RBMS3: variants seen among roughly 807,000 people sequenced by gnomAD.
RBMS3 encodes RNA-binding motif, single-stranded-interacting protein 3.
Under a neutral mutation model 66.8 loss-of-function variants are expected in RBMS3, and 27 were observed. The ratio of observed to expected loss-of-function variants is 0.40; its 90% CI spans 0.30 to 0.56. The LOEUF is 0.56. RBMS3 is among the 20% of genes least tolerant of loss of function. The probability of loss-of-function intolerance (pLI) is 0.40; values close to 1 mark genes in which losing one functional copy is unlikely to be tolerated. For synonymous variants in RBMS3, 188 were observed against 183.0 expected (o/e 1.03, Z -0.22); for missense variants, 513 against 549.5 (o/e 0.93, Z 0.66).
At chr3:29,873,572 C>T (rs1363113710) in intron 7 of RBMS3, among the ~76,000 whole-genome samples, 1 of 152,036 alleles carries the variant, frequency 6.6e-6, no homozygotes, top group Non-Finnish European at 1.5e-5. Flanking sequence ...TTTGGATGCC[C>T]TTTATTTCTT....
At chr3:29,648,285 T>TTTTTC (rs2050017441) in intron 4 of RBMS3, among the ~76,000 whole-genome samples, 1 of 145,100 alleles carries the variant, frequency 6.9e-6, no homozygotes, top group African/African-American at 2.6e-5. Flanking sequence ...TTTTTTTTTT[T>TTTTTC]GCGACAGGGT....
At chr3:29,717,430 T>C (rs1031941208) in intron 4 of RBMS3, among the ~76,000 whole-genome samples, 1 of 152,152 alleles carries the variant, frequency 6.6e-6, no homozygotes, top group African/African-American at 2.4e-5. Context: ...GAGCACATTC[T>C]CCTTTCTCTT....
At chr3:29,922,708 T>C (rs1046249608) in intron 10 of RBMS3, among the ~76,000 whole-genome samples, 4 of 152,118 alleles carry the variant, frequency 2.6e-5, no homozygotes, top group Non-Finnish European at 4.4e-5. Context: ...ACTAAAAGTA[T>C]TGCTTTATCA....
intron 12 of RBMS3, among the ~76,000 whole-genome samples, chr3:29,978,762 T>C (rs1168993002): frequency 6.6e-6 from 1 of 152,072 alleles, no homozygotes; most frequent in Non-Finnish European, 1.5e-5. Flanking sequence ...TACATAAAAA[T>C]GATCAGAAGG....
intron 1 of RBMS3, among the ~76,000 whole-genome samples, chr3:29,398,792 G>A (rs974714103): frequency 1.6e-4 from 24 of 151,570 alleles, no homozygotes; most frequent in Admixed American, 1.5e-3. Context: ...CTAAAAGTGC[G>A]AACCTCAACC....
chr3:29,438,030 C>T (rs10576795), intron 2 of RBMS3, among the ~76,000 whole-genome samples: 1,390 of 77,068 alleles, frequency 0.018, 18 homozygotes, highest in African/African-American at 0.049. Context: ...TTGCTTGTTT[C>T]TCTCTCTCTC....
chr3:29,588,758 C>T (rs376594473), intron 4 of RBMS3, among the ~76,000 whole-genome samples: 11 of 152,092 alleles, frequency 7.2e-5, no homozygotes, highest in African/African-American at 2.6e-4. Context: ...AAATTATATA[C>T]ATGTCTTGGT....
intron 4 of RBMS3, among the ~76,000 whole-genome samples, chr3:29,686,807 A>C (rs1479624499): frequency 6.6e-6 from 1 of 152,200 alleles, no homozygotes; most frequent in Non-Finnish European, 1.5e-5. Flanking sequence ...CTCTAAAATA[A>C]TAGGATATAA....
chr3:29,317,827 C>T (rs1442215308), intron 1 of RBMS3, among the ~76,000 whole-genome samples: 1 of 151,754 alleles, frequency 6.6e-6, no homozygotes, highest in African/African-American at 2.4e-5. Flanking sequence ...AGACTACACT[C>T]GTTTCACCCA....
intron 1 of RBMS3, among the ~76,000 whole-genome samples, chr3:29,373,732 C>G (rs951590170): frequency 3.3e-5 from 5 of 152,142 alleles, no homozygotes; most frequent in African/African-American, 1.2e-4. Context: ...TTTTGATATT[C>G]TTCTAGCTGG....
Position 29,670,745 on chromosome 3 carries a change from C to T in RBMS3, c.400-68975C>T, listed in dbSNP as rs559623453. Among the ~76,000 whole-genome samples the T allele has an allele frequency of 2.5e-3, 385 of 152,270 alleles. 1 individual carries two copies. The highest frequency in any genetic ancestry group is 8.3e-3 in the African/African-American group (344 of 41,560). ...CTGAGGCTTGAGTAGGTAAACAAAG[C>T]GGCTGGGAAGCTCCAACTGGGTGGA... On this transcript the variant is annotated intron_variant, in intron 4 of 14. Transcript: ENST00000383767.
rs755676861 is a variant in RBMS3, at chr3:29,911,824, T to C, written c.939+12069T>C. On this transcript the variant is annotated intron_variant, in intron 10 of 14. Coordinates refer to ENST00000383767, the MANE Select transcript of RBMS3 (RefSeq NM_001003793.3). ...TTTTTTCTATGTGATGAAATTACTT[T>C]GGGAGGCCTTTTCCATTGATGCCAT... Among the ~76,000 whole-genome samples the C allele has an allele frequency of 3.9e-5, 6 of 152,200 alleles. No homozygotes were observed. The South Asian group carries it at 6.2e-4, about 16-fold the overall frequency.
intron 2 of RBMS3, among the ~76,000 whole-genome samples, chr3:29,456,360 AAAAAT>A (rs577188849): frequency 1.6e-4 from 24 of 152,310 alleles, no homozygotes; most frequent in African/African-American, 5.5e-4. Context: ...ATATTATACT[AAAAAT>A]AAAGTATAGA....
chr3:29,708,942 TGG>T (rs2053032674), intron 4 of RBMS3, among the ~76,000 whole-genome samples: 1 of 152,180 alleles, frequency 6.6e-6, no homozygotes, highest in Non-Finnish European at 1.5e-5. Context: ...ACGCCTTCCA[TGG>T]GGTAGGCCAT....
chr3:29,357,737 C>A (rs2037311188), intron 1 of RBMS3, among the ~76,000 whole-genome samples: 2 of 152,130 alleles, frequency 1.3e-5, no homozygotes, highest in African/African-American at 4.8e-5. Flanking sequence ...TAATGATCAC[C>A]ATTCTAATTG....
chr3:29,764,015 G>A (rs1446103210), intron 6 of RBMS3, among the ~76,000 whole-genome samples: 1 of 152,022 alleles, frequency 6.6e-6, no homozygotes, highest in Non-Finnish European at 1.5e-5. Context: ...GAGTTCAGAG[G>A]TTGAGCATTT....
intron 4 of RBMS3, among the ~76,000 whole-genome samples, chr3:29,650,115 T>A (rs2050088490): frequency 6.6e-6 from 1 of 152,186 alleles, no homozygotes; most frequent in African/African-American, 2.4e-5. Flanking sequence ...CATACAGAGA[T>A]GTTACTTGAT....
At chr3:29,286,263 TAGAA>T (rs536053492) in intron 1 of RBMS3, among the ~76,000 whole-genome samples, 2 of 152,134 alleles carry the variant, frequency 1.3e-5, no homozygotes, top group South Asian at 4.1e-4. Context: ...AAGAGGAAAA[TAGAA>T]GGAAGGGGCC....
At chr3:29,651,081 C>A (rs1441847624) in intron 4 of RBMS3, among the ~76,000 whole-genome samples, 2 of 152,054 alleles carry the variant, frequency 1.3e-5, no homozygotes, top group African/African-American at 4.8e-5. Flanking sequence ...ACCAATAGGC[C>A]ATCAAGCTGT....
Sources: allele counts gnomAD v4.1 joint callset (sites outside exome capture counted in the v4.1 genomes callset), GRCh38; gene constraint gnomAD v4.1.1; transcripts MANE v1.5; gene names NCBI Gene and HGNC (gene_info 2026-07-23, HGNC 2026-07-21).